The following BCLAF3 variants were observed in gnomAD, a reference collection of about 807,000 sequenced individuals.
BCLAF3 encodes transient octamer binding factor 1.
A neutral mutation model predicts 51.2 loss-of-function variants in BCLAF3; 24 were observed. That is an observed-to-expected ratio of 0.47 (90% CI 0.34 to 0.66). The LOEUF (loss-of-function observed/expected upper bound fraction) is 0.66, where lower values mean the gene tolerates loss of function less well. BCLAF3 is among the 30% of genes least tolerant of loss of function. BCLAF3 has a pLI of 0.01. For missense variants in BCLAF3, 465 were observed against 525.1 expected, an observed-to-expected ratio of 0.89 and a Z score of 1.12; for synonymous variants, 152 against 176.6, an observed-to-expected ratio of 0.86 and a Z score of 1.10.
chrX:19,937,317 G>A lies in BCLAF3; in HGVS notation c.1860+101C>T, dbSNP rs773441827. 7.7e-6 allele frequency: 4 copies of A among 518,847 alleles called. No homozygotes were observed. The South Asian group carries it at 8.0e-5, about 10-fold the overall frequency. The allele number at this position is 518,847 out of a possible 1,213,427, so 42.8% of individuals were successfully genotyped here. On this transcript the variant is annotated intron_variant, in intron 9 of 11. Transcript: ENST00000379682. ...CGGAATCTTATAACATATACTTAAT[G>A]AACAATTACAAACGTGAAAAATATT...
Position 19,929,822 on chromosome X carries a change from G to C in BCLAF3, c.2069C>G (p.Thr690Ser). Residue 690 changes from threonine to serine, a missense_variant, in exon 11 of 12, where the codon ACT (threonine) becomes AGT (serine). Transcript: ENST00000379682. ...LRFTGPRGFITHKFRERLMRK... is the reference protein window; with the variant it reads ...LRFTGPRGFISHKFRERLMRK... ...CATTAATCTTTCTCTGAACTTATGA[G>C]TGATAAATCCCCTTGGGCCAGTGAA... 8.3e-7 allele frequency: 1 copy of C among 1,207,759 alleles called. No homozygotes were observed. Among genetic ancestry groups the C allele is most frequent in the Non-Finnish European group, 1.1e-6 (1 of 893,822 alleles).
intron 11 of BCLAF3, among the ~76,000 whole-genome samples, chrX:19,919,360 C>CA (rs917513676): frequency 9.2e-6 from 1 of 108,278 alleles, no homozygotes; most frequent in African/African-American, 3.4e-5. Flanking sequence ...GCCTGGCCAA[C>CA]ATGGTGAAAC....
Position 19,914,623 on chromosome X carries a change from G to A in BCLAF3, c.*2682C>T, listed in dbSNP as rs982193742. On this transcript the variant is annotated 3_prime_UTR_variant, in exon 12 of 12. Coordinates refer to ENST00000379682, the MANE Select transcript of BCLAF3 (RefSeq NM_001367774.2). ...GAGTTTTTTTCCAATAGAAAAAAAT[G>A]AAAATGTATCATCTAAAATATTTAT... 1 of 110,973 alleles carries A rather than the reference G, an allele frequency of 9.0e-6. No individual in the cohort carries two copies. The highest frequency in any genetic ancestry group is 3.3e-5 in the African/African-American group (1 of 30,558). The allele number at this position is 110,973 out of a possible 1,213,427, so 9.1% of individuals were successfully genotyped here.
chrX:19,937,444 TA>T lies in BCLAF3; in HGVS notation c.1833del (p.Phe611LeufsTer10). ...ATGTAAGGTTTTTCAATACATTTTC[TA>T]AAATTTGATTTTATAAAATGTGTGG... ...QKPTHFIKSNFRKCIEKPYMN... is the reference protein window; with the variant it reads ...QKPTHFIKSNXRKCIEKPYMN... On this transcript the variant is annotated frameshift_variant, in exon 9 of 12. Coordinates refer to ENST00000379682, the MANE Select transcript of BCLAF3 (RefSeq NM_001367774.2). LOFTEE classifies it high-confidence loss of function. 1 of 1,170,731 alleles carries T rather than the reference TA, an allele frequency of 8.5e-7. No homozygotes were observed. The highest frequency in any genetic ancestry group is 1.2e-6 in the Non-Finnish European group (1 of 861,475).
intron 8 of BCLAF3, among the ~76,000 whole-genome samples, chrX:19,950,320 T>C (rs1025761740): frequency 1.8e-5 from 2 of 111,922 alleles, no homozygotes; most frequent in African/African-American, 3.2e-5. Context: ...TCCACAATTA[T>C]CCAGTATAGA....
rs780624942 is a variant in BCLAF3 at position 19,953,954 on chromosome X, T to C, written c.1451-62A>G. 8.1e-5 allele frequency: 93 copies of C among 1,147,921 alleles called. 1 individual carries two copies. In the East Asian group the frequency reaches 2.8e-3, roughly 34 times the overall value. 94.6% of individuals were successfully genotyped at this position (1,147,921 alleles called of 1,213,427 possible). On this transcript the variant is annotated intron_variant, in intron 5 of 11. Coordinates refer to ENST00000379682, the MANE Select transcript of BCLAF3 (RefSeq NM_001367774.2). ...AGCTGATTTCACTTAAAAGATTACA[T>C]ATAAGCACAGAAAGAAGGGATTATT... is the stretch of plus-strand genomic sequence containing the variant.
chrX:19,968,975 T>G (rs1219177338), intron 2 of BCLAF3, among the ~76,000 whole-genome samples: 1 of 111,283 alleles, frequency 9.0e-6, no homozygotes, highest in Non-Finnish European at 1.9e-5. Context: ...TAGCCGGGCG[T>G]GGTGGCGGGC....
intron 1 of BCLAF3, among the ~76,000 whole-genome samples, chrX:19,974,373 T>C (rs759709674): frequency 2.7e-5 from 3 of 111,794 alleles, no homozygotes; most frequent in African/African-American, 9.7e-5. Context: ...AAAATACAGA[T>C]TGCTGGGCCC....
intron 11 of BCLAF3, 53 bp downstream of exon 11, chrX:19,929,732 T>C (rs891991094): frequency 3.5e-5 from 38 of 1,091,321 alleles, no homozygotes; most frequent in Non-Finnish European, 4.3e-5. Context: ...ACATAGATAA[T>C]CTAGGAGTTT....
chrX:19,931,137 A>G (rs1397059684), intron 10 of BCLAF3, among the ~76,000 whole-genome samples: 1 of 112,625 alleles, frequency 8.9e-6, no homozygotes, highest in South Asian at 3.7e-4. Context: ...TACATTAGAC[A>G]TAAGAGGACA....
chrX:19,933,076 G>T (rs2070626768), intron 10 of BCLAF3, among the ~76,000 whole-genome samples: 1 of 111,970 alleles, frequency 8.9e-6, no homozygotes, highest in Admixed American at 9.5e-5. Flanking sequence ...TCTTAGACAG[G>T]TAGGGTGTTG....
intron 1 of BCLAF3, among the ~76,000 whole-genome samples, chrX:19,986,985 T>C (rs758104629): frequency 2.3e-4 from 25 of 109,703 alleles, no homozygotes; most frequent in Non-Finnish European, 4.2e-4. Context: ...AAAAATTTTT[T>C]TGTAGAGACA....
chrX:19,963,989 A>T (rs1265694522), intron 4 of BCLAF3, among the ~76,000 whole-genome samples: 2 of 112,021 alleles, frequency 1.8e-5, no homozygotes, highest in Non-Finnish European at 3.8e-5. Context: ...ATGCCACTGC[A>T]CTCCAGCCTG....
intron 2 of BCLAF3, among the ~76,000 whole-genome samples, chrX:19,967,371 T>G (rs1490150948): frequency 8.9e-6 from 1 of 111,825 alleles, no homozygotes; most frequent in Non-Finnish European, 1.9e-5. Context: ...CCTTTGCATA[T>G]CTATGGAAAG....
Position 19,935,842 on chromosome X carries a change from T to A in BCLAF3, c.1917A>T (p.Gly639=). The change falls in exon 10 of 12, where the codon GGA becomes GGT. Residue 639 remains glycine (G), a synonymous_variant. Coordinates refer to ENST00000379682, the MANE Select transcript of BCLAF3 (RefSeq NM_001367774.2). ...IITHKPFEVE[G]NHRNTRVRPF... ...GTCTTACTCTTGTGTTTCGGTGGTT[T>A]CCCTCAACCTCAAATGGTTTGTGAG... The A allele has an allele frequency of 1.7e-6, 2 of 1,210,711 alleles. No homozygotes were observed. Among genetic ancestry groups the A allele is most frequent in the South Asian group, 1.8e-5 (1 of 56,944 alleles).
intron 8 of BCLAF3, among the ~76,000 whole-genome samples, chrX:19,949,815 T>C (rs950327970): frequency 1.8e-5 from 2 of 112,187 alleles, no homozygotes; most frequent in Admixed American, 9.5e-5. Flanking sequence ...ACTGTCTCTT[T>C]GTATTCATAC....
At chrX:19,969,007 G>A (rs1433418551) in intron 2 of BCLAF3, among the ~76,000 whole-genome samples, 2 of 112,062 alleles carry the variant, frequency 1.8e-5, no homozygotes, top group African/African-American at 6.5e-5. Flanking sequence ...CAGCTACTCA[G>A]GAGGCTGAGG....
intron 1 of BCLAF3, among the ~76,000 whole-genome samples, chrX:19,976,436 G>C (rs1156414518): frequency 9.0e-6 from 1 of 111,487 alleles, no homozygotes; most frequent in African/African-American, 3.3e-5. Context: ...TGTCACCCAG[G>C]CTGGAGTGCA....
At chrX:19,919,719 T>C (rs571416959) in intron 11 of BCLAF3, among the ~76,000 whole-genome samples, 91 of 107,534 alleles carry the variant, frequency 8.5e-4, no homozygotes, top group African/African-American at 2.8e-3. Flanking sequence ...TAGCTGGGTG[T>C]AGTGGTGCAT....
Sources: gnomAD v4.1 joint callset for allele counts (sites outside exome capture counted in the v4.1 genomes callset) on GRCh38, gnomAD v4.1.1 for gene constraint, MANE v1.5 for transcripts, NCBI Gene and HGNC (gene_info 2026-07-23, HGNC 2026-07-21) for gene names.